ALDH3B1: variants seen among roughly 807,000 people sequenced by gnomAD.
ALDH3B1 encodes aldehyde dehydrogenase family 3 member B1.
In ALDH3B1, 37 loss-of-function variants were observed where a neutral mutation model predicts 46.2. The ratio of observed to expected loss-of-function variants is 0.80; its 90% CI spans 0.62 to 1.05. ALDH3B1 has a LOEUF of 1.05. ALDH3B1 is among the 50% of genes least tolerant of loss of function. The pLI is 0.00. For synonymous variants in ALDH3B1, 283 were observed against 281.0 expected, an observed-to-expected ratio of 1.01 and a Z score of -0.07; for missense variants, 603 against 665.5, an observed-to-expected ratio of 0.91 and a Z score of 1.03.
chr11:68,008,883 C>T (rs184759902), upstream of ALDH3B1, among the ~76,000 whole-genome samples: 434 of 152,352 alleles, frequency 2.8e-3, 1 homozygote, highest in Middle Eastern at 0.037. Context: ...TGCCTGTCCA[C>T]ACCCACAGCA....
In ALDH3B1 at chr11:68,027,982, C is replaced by G; in HGVS notation, c.*43C>G. ...GGCTGTAGACCACCATGACAGCTGT[C>G]GCCTGCGGCTGGTGGAGACGGGGCC... On this transcript the variant is annotated 3_prime_UTR_variant, in exon 10 of 10. Coordinates refer to ENST00000342456, the MANE Select transcript of ALDH3B1 (RefSeq NM_000694.4). 6.4e-7 allele frequency: 1 copy of G among 1,559,004 alleles called. No homozygotes were observed. Among genetic ancestry groups the G allele is most frequent in the South Asian group, 1.2e-5 (1 of 85,916 alleles).
chr11:68,022,362 G>T (rs1343718195), intron 7 of ALDH3B1, among the ~76,000 whole-genome samples: 2 of 152,200 alleles, frequency 1.3e-5, no homozygotes, highest in African/African-American at 2.4e-5. Context: ...CAAGGTCGGG[G>T]GATTCTCTGT....
intron 4 of ALDH3B1, 69 bp from the exon 5 acceptor site, chr11:68,019,101 C>A: frequency 6.6e-7 from 1 of 1,524,328 alleles, no homozygotes; most frequent in Non-Finnish European, 8.9e-7. Context: ...CTGATGCCTG[C>A]CCTGCAGGTG....
At chr11:68,022,509 C>A (rs1857523742) in intron 7 of ALDH3B1, 86 bp from the exon 8 acceptor site, 1 of 1,510,148 alleles carries the variant, frequency 6.6e-7, no homozygotes, top group Non-Finnish European at 8.9e-7. Flanking sequence ...AGAGCCCTGG[C>A]CTGTGGCCCT....
rs372252810 is a variant in ALDH3B1 at position 68,021,629 on chromosome 11, G to A, written c.707G>A (p.Arg236His). 7.4e-6 allele frequency: 12 copies of A among 1,613,916 alleles called. No homozygotes were observed. In the African/African-American group the frequency reaches 1.1e-4, roughly 14 times the overall value. The change falls in exon 7 of 10, where the codon CGC (arginine) becomes CAC (histidine). Residue 236 changes from arginine to histidine, a missense_variant. Arg to His is a conservative substitution (Grantham distance 29, BLOSUM62 0). Transcript: ENST00000342456. ...QTVANRVAWF[R>H]YFNAGQTCVA... ...GTGGCCAACCGCGTGGCCTGGTTCC[G>A]CTACTTCAACGCCGGCCAGACCTGC...
Position 68,018,909 on chromosome 11 carries a change from G to A in ALDH3B1, c.394+16G>A. 1.3e-6 allele frequency: 2 copies of A among 1,549,302 alleles called. No individual in the cohort carries two copies. The highest frequency in any genetic ancestry group is 1.7e-6 in the Non-Finnish European group (2 of 1,146,710). ...CTCGCTGCAGGTGAGAGCTGGGCCT[G>A]CCCCTTCCGGTCACCCTTCTCCGCT... On this transcript the variant is annotated intron_variant, in intron 4 of 9. Coordinates refer to ENST00000342456, the MANE Select transcript of ALDH3B1 (RefSeq NM_000694.4).
intron 9 of ALDH3B1, 97 bp downstream of exon 9, chr11:68,026,205 A>T: frequency 9.2e-7 from 1 of 1,084,284 alleles, no homozygotes; most frequent in Non-Finnish European, 1.3e-6. Context: ...GCCCCACCTC[A>T]ATGTAGAGGG....
chr11:68,011,036 G>A (rs1857218809), intron 1 of ALDH3B1, among the ~76,000 whole-genome samples: 1 of 152,226 alleles, frequency 6.6e-6, no homozygotes, highest in East Asian at 1.9e-4. Context: ...GGATACGCTG[G>A]TCCCTGGCTC....
chr11:68,027,535 CGCCT>C (rs923335330), intron 9 of ALDH3B1, among the ~76,000 whole-genome samples: 2 of 152,002 alleles, frequency 1.3e-5, no homozygotes, highest in Non-Finnish European at 2.9e-5. Flanking sequence ...GACCACCACC[CGCCT>C]ATCTTGCCCT....
At chr11:68,012,922 G>T (rs900888505) in intron 1 of ALDH3B1, among the ~76,000 whole-genome samples, 1 of 152,198 alleles carries the variant, frequency 6.6e-6, no homozygotes, top group Admixed American at 6.5e-5. Flanking sequence ...CTTCAGTGGG[G>T]TGAATAGTGG....
At position 68,028,301 on chromosome 11, in the gene ALDH3B1, C is replaced by A. The variant is rs963104089; in HGVS notation, c.*362C>A. 7.2e-6 allele frequency: 3 copies of A among 419,492 alleles called. No homozygotes were observed. The highest frequency in any genetic ancestry group is 6.4e-5 in the Admixed American group (2 of 31,046). 26.0% of individuals were successfully genotyped at this position (419,492 alleles called of 1,614,324 possible). On this transcript the variant is annotated 3_prime_UTR_variant, in exon 10 of 10. Coordinates refer to ENST00000342456, the MANE Select transcript of ALDH3B1 (RefSeq NM_000694.4). ...GCCCTGGCATCTGACTCAGGCCACA[C>A]CATGGAATCACTGCATCCAAGGCCA...
chr11:68,019,088 A>T, intron 4 of ALDH3B1, 82 bp from the exon 5 acceptor site: 1 of 1,497,320 alleles, frequency 6.7e-7, no homozygotes, highest in Non-Finnish European at 9.1e-7. Flanking sequence ...AAAGTGGGTG[A>T]GGCTGATGCC....
At chr11:68,011,406 T>C (rs1857227855) in intron 1 of ALDH3B1, among the ~76,000 whole-genome samples, 1 of 152,180 alleles carries the variant, frequency 6.6e-6, no homozygotes, top group African/African-American at 2.4e-5. Context: ...CCGGAGAAAC[T>C]GGTCTGTGGT....
chr11:68,018,334 G>A, intron 2 of ALDH3B1, 193 bp from the exon 3 acceptor site: 1 of 595,408 alleles, frequency 1.7e-6, no homozygotes, highest in Non-Finnish European at 3.0e-6. Flanking sequence ...GTCGGCCTCA[G>A]GGCCGGTCCC....
Position 68,027,863 on chromosome 11 carries a change from C to T in ALDH3B1, c.1331C>T (p.Pro444Leu). Residue 444 changes from proline to leucine, a missense_variant, in exon 10 of 10, where the codon CCG (proline) becomes CTG (leucine). Pro to Leu is a moderately conservative substitution (Grantham distance 98). Transcript: ENST00000342456. ...GMEKLNALRY[P>L]PQSPRRLRML... ...GAGAAGCTCAACGCCCTCCGCTACC[C>T]GCCGCAATCGCCGCGCCGCCTGAGG... The T allele has an allele frequency of 9.0e-6, 14 of 1,560,288 alleles. 1 individual carries two copies. Among genetic ancestry groups the T allele is most frequent in the South Asian group, 3.5e-5 (3 of 84,654 alleles).
At chr11:68,015,231 G>A (rs1034034090) in intron 1 of ALDH3B1, 66 bp from the exon 2 acceptor site, 38 of 1,437,942 alleles carry the variant, frequency 2.6e-5, no homozygotes, top group African/African-American at 4.3e-5. Flanking sequence ...ACCCTGGGGC[G>A]GCTGGGTGGT....
chr11:68,027,564 C>G (rs1272214526), intron 9 of ALDH3B1, among the ~76,000 whole-genome samples, 185 bp from the exon 10 acceptor site: 1 of 152,192 alleles, frequency 6.6e-6, no homozygotes, highest in African/African-American at 2.4e-5. Flanking sequence ...TCTGGCATCC[C>G]CAGGGCTTAC....
chr11:68,010,164 ACTT>A (rs1385714159), upstream of ALDH3B1, among the ~76,000 whole-genome samples: 2 of 150,486 alleles, frequency 1.3e-5, no homozygotes, highest in African/African-American at 4.9e-5. Context: ...CTGGGCGTTG[ACTT>A]CTTCTCTGTG....
intron 1 of ALDH3B1, among the ~76,000 whole-genome samples, chr11:68,012,690 A>C (rs1857258415): frequency 6.6e-6 from 1 of 152,162 alleles, no homozygotes. Flanking sequence ...CACCCCTCCC[A>C]CAGCTGGCCT....
Sources: gnomAD v4.1 joint callset for allele counts (sites outside exome capture counted in the v4.1 genomes callset) on GRCh38, gnomAD v4.1.1 for gene constraint, MANE v1.5 for transcripts, NCBI Gene and HGNC (gene_info 2026-07-23, HGNC 2026-07-21) for gene names.